CCDC102B: variants seen among roughly 807,000 people sequenced by gnomAD.
CCDC102B encodes coiled-coil domain-containing protein 102B.
A neutral mutation model predicts 57.4 loss-of-function variants in CCDC102B; 75 were observed. The observed-to-expected ratio is 1.31, with a 90% CI of 1.08 to 1.58. CCDC102B has a LOEUF of 1.58. CCDC102B is among the 40% of genes most tolerant of loss of function. The pLI is 0.00. For missense variants in CCDC102B, 636 were observed against 582.6 expected (o/e 1.09, Z -0.94); for synonymous variants, 206 against 201.9 (o/e 1.02, Z -0.17).
intron 7 of CCDC102B, among the ~76,000 whole-genome samples, chr18:69,046,517 C>CA (rs1280130633): frequency 2.0e-5 from 3 of 151,918 alleles, no homozygotes; most frequent in South Asian, 4.1e-4. Flanking sequence ...GGATGGTTTG[C>CA]AAAAAATTTC....
intron 2 of CCDC102B, among the ~76,000 whole-genome samples, chr18:68,759,664 G>T (rs1484989614): frequency 2.0e-5 from 3 of 152,124 alleles, no homozygotes; most frequent in East Asian, 1.9e-4. Context: ...GATCTGTAAA[G>T]TATTCATTTA....
chr18:69,017,801 T>G lies in CCDC102B; in HGVS notation c.1434+6697T>G, dbSNP rs146478433. 1.7e-3 allele frequency among the ~76,000 whole-genome samples: 266 copies of G among 152,288 alleles called. 1 individual carries two copies. The highest frequency in any genetic ancestry group is 6.2e-3 in the African/African-American group (257 of 41,582). ...GACCAACATCTCTTCATTCCTTCCCTGCCCCCTGCCCCGGGTAACCACCTG... is the reference window on the plus strand; with the variant it reads ...GACCAACATCTCTTCATTCCTTCCCGGCCCCCTGCCCCGGGTAACCACCTG... On this transcript the variant is annotated intron_variant, in intron 7 of 7. Transcript: ENST00000360242.
chr18:68,826,923 T>C (rs967922264), intron 1 of CCDC102B, among the ~76,000 whole-genome samples: 1 of 152,132 alleles, frequency 6.6e-6, no homozygotes. Flanking sequence ...CATTACTATG[T>C]AACCAATGTT....
intron 2 of CCDC102B, among the ~76,000 whole-genome samples, chr18:68,748,294 G>A (rs1003624495): frequency 2.1e-5 from 3 of 142,746 alleles, no homozygotes; most frequent in African/African-American, 7.7e-5. Context: ...ATATAATCTG[G>A]ATATTAACCC....
At chr18:68,894,633 G>T (rs913632051) in intron 5 of CCDC102B, among the ~76,000 whole-genome samples, 1 of 151,562 alleles carries the variant, frequency 6.6e-6, no homozygotes, top group Non-Finnish European at 1.5e-5. Context: ...TCTTGGAAAA[G>T]AATGATGTGA....
At chr18:68,995,827 A>G (rs1224002304) in intron 6 of CCDC102B, among the ~76,000 whole-genome samples, 1 of 152,142 alleles carries the variant, frequency 6.6e-6, no homozygotes, top group African/African-American at 2.4e-5. Flanking sequence ...CCAGAATGGT[A>G]GATCCACTGA....
Position 68,837,010 on chromosome 18 carries a change from G to A in CCDC102B, c.247G>A (p.Ala83Thr). ...LRLRELEEVK[A>T]RAAQMEKTMR... is the part of the protein sequence containing the mutation. ...CCTGCGGGAGCTTGAAGAAGTCAAG[G>A]CCAGAGCTGCTCAGATGGAAAAGAC... Residue 83 changes from alanine (A) to threonine (T), a missense_variant, in exon 2 of 8, where the codon GCC becomes ACC. By Grantham distance (58) the Ala-to-Thr change is moderately conservative. Coordinates refer to ENST00000360242, the MANE Select transcript of CCDC102B (RefSeq NM_024781.3). 6.2e-7 allele frequency: 1 copy of A among 1,614,170 alleles called. No individual in the cohort carries two copies. Among genetic ancestry groups the A allele is most frequent in the Non-Finnish European group, 8.5e-7 (1 of 1,180,040 alleles).
intron 6 of CCDC102B, among the ~76,000 whole-genome samples, chr18:68,943,431 A>T (rs1205158776): frequency 6.6e-6 from 1 of 152,068 alleles, no homozygotes; most frequent in Admixed American, 6.6e-5. Context: ...TCTAGGCTTT[A>T]TACTTTTTCT....
At position 68,836,732 on chromosome 18, in the gene CCDC102B, T is replaced by C. The variant is rs758190190; in HGVS notation, c.-15-17T>C. The C allele has an allele frequency of 6.3e-7, 1 of 1,584,674 alleles. No individual in the cohort carries two copies. Among genetic ancestry groups the C allele is most frequent in the Non-Finnish European group, 8.6e-7 (1 of 1,167,706 alleles). ...GGGAAATTTCAGCGTGAAATTATGG[T>C]CTCTATCTTTTCTCAGGTCTTAAAA... On this transcript the variant is annotated splice_polypyrimidine_tract_variant and intron_variant, in intron 1 of 7. Coordinates refer to ENST00000360242, the MANE Select transcript of CCDC102B (RefSeq NM_024781.3).
At chr18:69,026,299 C>G (rs2051988170) in intron 7 of CCDC102B, among the ~76,000 whole-genome samples, 1 of 151,890 alleles carries the variant, frequency 6.6e-6, no homozygotes, top group African/African-American at 2.4e-5. Flanking sequence ...AAACCTGTCT[C>G]TACTAAAAAT....
chr18:68,928,986 A>T (rs1321711018), intron 6 of CCDC102B, among the ~76,000 whole-genome samples: 1 of 151,858 alleles, frequency 6.6e-6, no homozygotes, highest in Admixed American at 6.6e-5. Flanking sequence ...TGAAGTGGTG[A>T]TGAGAGGCAA....
chr18:68,765,387 AAAG>A (rs1271942279), intron 2 of CCDC102B, among the ~76,000 whole-genome samples: 1 of 149,108 alleles, frequency 6.7e-6, no homozygotes, highest in East Asian at 2.0e-4. Context: ...GAAAAGAAAG[AAAG>A]AAAAGAAAGG....
intron 2 of CCDC102B, among the ~76,000 whole-genome samples, chr18:68,730,537 C>T (rs1166565725): frequency 6.6e-6 from 1 of 152,146 alleles, no homozygotes; most frequent in East Asian, 1.9e-4. Flanking sequence ...TCATGTAATA[C>T]TTCTGTCTGC....
chr18:68,783,905 C>T (rs894005230), intron 2 of CCDC102B, among the ~76,000 whole-genome samples: 39 of 152,088 alleles, frequency 2.6e-4, no homozygotes, highest in African/African-American at 9.4e-4. Flanking sequence ...GTATAATTGA[C>T]TCAGGTTTAA....
At chr18:68,795,882 A>G (rs1276844991), upstream of CCDC102B, among the ~76,000 whole-genome samples, 3 of 152,220 alleles carry the variant, frequency 2.0e-5, no homozygotes, top group African/African-American at 4.8e-5. Context: ...TGAAATAAGA[A>G]TAGGACCAAT....
chr18:69,010,545 T>A (rs1201219561), intron 6 of CCDC102B, among the ~76,000 whole-genome samples: 1 of 152,142 alleles, frequency 6.6e-6, no homozygotes, highest in Non-Finnish European at 1.5e-5. Context: ...AATAATTAAA[T>A]CATGTAGTGT....
In CCDC102B at chr18:68,838,718, G is replaced by T. The variant is rs201428626; in HGVS notation, c.619G>T (p.Val207Phe). ...GTTTTGTCTTCAGGAACAAGGTGTGGTTATTGATTCTCTAAAATTAAGTGA... is the reference window on the plus strand; with the variant it reads ...GTTTTGTCTTCAGGAACAAGGTGTGTTTATTGATTCTCTAAAATTAAGTGA... Reference protein sequence around the residue: ...EDTNNKEQGVVIDSLKLSEEM... With the variant: ...EDTNNKEQGVFIDSLKLSEEM... Residue 207 changes from valine (V) to phenylalanine (F), a missense_variant, in exon 3 of 8, where the codon GTT becomes TTT. Coordinates refer to ENST00000360242, the MANE Select transcript of CCDC102B (RefSeq NM_024781.3). 79 of 1,613,790 alleles carry T rather than the reference G, an allele frequency of 4.9e-5. No individual in the cohort carries two copies. The highest frequency in any genetic ancestry group is 2.9e-4 in the South Asian group (26 of 91,078).
intron 1 of CCDC102B, among the ~76,000 whole-genome samples, chr18:68,804,153 A>C (rs552504477): frequency 7.2e-5 from 11 of 152,334 alleles, no homozygotes; most frequent in Admixed American, 5.2e-4. Flanking sequence ...GAACTGATGG[A>C]GTTTCCAACA....
chr18:68,946,115 T>C (rs1421648940), intron 6 of CCDC102B, among the ~76,000 whole-genome samples: 1 of 151,910 alleles, frequency 6.6e-6, no homozygotes, highest in Non-Finnish European at 1.5e-5. Flanking sequence ...AAAATCAACA[T>C]AGTTAAGTGA....
Sources: allele counts gnomAD v4.1 joint callset (sites outside exome capture counted in the v4.1 genomes callset), GRCh38; gene constraint gnomAD v4.1.1; transcripts MANE v1.5; gene names NCBI Gene and HGNC (gene_info 2026-07-23, HGNC 2026-07-21).